Variants in STXBP5L observed in about 807,000 individuals in gnomAD.
The protein encoded by STXBP5L is syntaxin-binding protein 5-like.
Under a neutral mutation model 144.5 loss-of-function variants are expected in STXBP5L, and 65 were observed. The observed-to-expected ratio is 0.45, with a 90% CI of 0.37 to 0.55. The LOEUF is 0.55. Ranked by LOEUF, STXBP5L falls within the 20% of genes least tolerant of loss-of-function variation. The probability of loss-of-function intolerance (pLI) is 0.00; values close to 1 mark genes in which losing one functional copy is unlikely to be tolerated. For synonymous variants in STXBP5L, 505 were observed against 469.6 expected, an observed-to-expected ratio of 1.08 and a Z score of -0.97; for missense variants, 1,298 against 1,405.5, an observed-to-expected ratio of 0.92 and a Z score of 1.22.
At chr3:121,322,586 T>C (rs1455861918) in intron 20 of STXBP5L, among the ~76,000 whole-genome samples, 4 of 152,084 alleles carry the variant, frequency 2.6e-5, no homozygotes, top group Non-Finnish European at 4.4e-5. Context: ...GGCACCTGGT[T>C]AATTCCACGT....
At chr3:120,909,493 G>C in intron 1 of STXBP5L, 78 bp from the exon 2 acceptor site, 3 of 1,280,688 alleles carry the variant, frequency 2.3e-6, no homozygotes. Context: ...CTAATGAAAA[G>C]AGAAAGGCTT....
intron 5 of STXBP5L, among the ~76,000 whole-genome samples, chr3:121,086,084 G>A (rs1307922338): frequency 6.6e-6 from 1 of 152,160 alleles, no homozygotes; most frequent in South Asian, 2.1e-4. Context: ...TTTAATAAAT[G>A]TTGCTGGGAA....
Position 121,413,292 on chromosome 3 carries a change from C to A in STXBP5L, c.3083C>A (p.Thr1028Lys). The change falls in exon 24 of 27, where the codon ACA becomes AAA. Residue 1028 changes from threonine to lysine, a missense_variant. Physicochemically the swap from Thr to Lys is moderately conservative, Grantham distance 78. Coordinates refer to ENST00000471454, the MANE Select transcript of STXBP5L (RefSeq NM_001308330.2). The stretch of plus-strand genomic sequence containing the variant: ...TCTCCTACTGAAATTCAGCGGTTAA[C>A]ATACAGCCAAGAAATGTGTGATAAT... ...LVSPTEIQRL[T>K]YSQEMCDNLQ... 6.3e-7 allele frequency: 1 copy of A among 1,591,822 alleles called. No homozygotes were observed. Among genetic ancestry groups the A allele is most frequent in the Non-Finnish European group, 8.5e-7 (1 of 1,171,778 alleles).
At chr3:121,081,534 G>A (rs752807735) in intron 5 of STXBP5L, among the ~76,000 whole-genome samples, 2 of 152,122 alleles carry the variant, frequency 1.3e-5, no homozygotes, top group Non-Finnish European at 2.9e-5. Context: ...TATATACTTG[G>A]TATATGGGCA....
chr3:120,990,958 A>T (rs1354001081), intron 3 of STXBP5L, among the ~76,000 whole-genome samples: 1 of 152,242 alleles, frequency 6.6e-6, no homozygotes, highest in Non-Finnish European at 1.5e-5. Flanking sequence ...AGCAATGGCA[A>T]CAAAAGCCAA....
At chr3:120,931,993 A>G (rs1387659391) in intron 2 of STXBP5L, among the ~76,000 whole-genome samples, 2 of 152,200 alleles carry the variant, frequency 1.3e-5, no homozygotes, top group East Asian at 1.9e-4. Context: ...CCTATATGGC[A>G]TAGCCTACCA....
chr3:121,334,457 T>A (rs2044433726), intron 20 of STXBP5L, among the ~76,000 whole-genome samples: 2 of 151,600 alleles, frequency 1.3e-5, no homozygotes, highest in South Asian at 4.2e-4. Context: ...AAAGAAAACT[T>A]TGGGACAATA....
At chr3:121,122,917 A>G (rs2044536103) in intron 7 of STXBP5L, among the ~76,000 whole-genome samples, 1 of 151,560 alleles carries the variant, frequency 6.6e-6, no homozygotes, top group African/African-American at 2.4e-5. Flanking sequence ...CATGTAAAAT[A>G]TATAAAGAAC....
At chr3:121,365,391 CT>C (rs1295295066) in intron 20 of STXBP5L, among the ~76,000 whole-genome samples, 1 of 140,226 alleles carries the variant, frequency 7.1e-6, no homozygotes, top group Non-Finnish European at 1.5e-5. Flanking sequence ...AGGTTCAGGG[CT>C]TTTTTTCTTT....
At chr3:121,193,722 G>A (rs2047801561) in intron 9 of STXBP5L, among the ~76,000 whole-genome samples, 1 of 151,992 alleles carries the variant, frequency 6.6e-6, no homozygotes, top group South Asian at 2.1e-4. Flanking sequence ...CTATCACAAG[G>A]ACAGAAAACC....
intron 11 of STXBP5L, among the ~76,000 whole-genome samples, chr3:121,224,868 A>C (rs186705106): frequency 4.6e-5 from 7 of 152,270 alleles, no homozygotes; most frequent in Admixed American, 3.3e-4. Flanking sequence ...AATGCCTCCT[A>C]TGAAAAGCCT....
At chr3:121,249,403 AGCATACAGATCTG>A (rs1304709844) in intron 14 of STXBP5L, among the ~76,000 whole-genome samples, 1 of 152,130 alleles carries the variant, frequency 6.6e-6, no homozygotes, top group Non-Finnish European at 1.5e-5. Context: ...TACAATTTTC[AGCATACAGATCTG>A]GCACAAATTG....
At chr3:121,174,398 C>A (rs1914743) in intron 9 of STXBP5L, among the ~76,000 whole-genome samples, 77,505 of 151,840 alleles carry the variant, frequency 0.51, 20,235 homozygotes, top group Admixed American at 0.6. Flanking sequence ...GTTTGTCTGC[C>A]TGTTTTTTCA....
At chr3:121,108,770 G>A (rs4381881) in intron 5 of STXBP5L, among the ~76,000 whole-genome samples, 32,471 of 152,024 alleles carry the variant, frequency 0.21, 3,696 homozygotes, top group Non-Finnish European at 0.26. Flanking sequence ...TTTGTTTGAA[G>A]TAGTTTCAGA....
intron 13 of STXBP5L, among the ~76,000 whole-genome samples, chr3:121,239,650 T>C (rs567927916): frequency 7.6e-4 from 104 of 136,964 alleles, no homozygotes; most frequent in African/African-American, 2.7e-3. Flanking sequence ...TAGGTGGGAA[T>C]TGAACAATGA....
chr3:121,226,011 TC>T (rs564105392), intron 11 of STXBP5L, among the ~76,000 whole-genome samples: 6 of 152,258 alleles, frequency 3.9e-5, no homozygotes, highest in African/African-American at 1.4e-4. Flanking sequence ...CATACTGATA[TC>T]CTTGAGAGAC....
chr3:121,059,740 G>A (rs189190407), intron 5 of STXBP5L, among the ~76,000 whole-genome samples: 6 of 152,228 alleles, frequency 3.9e-5, no homozygotes, highest in Admixed American at 6.5e-5. Flanking sequence ...AGTAGCAATG[G>A]TGAATGGGAA....
At chr3:120,959,897 T>A (rs1938552723) in intron 3 of STXBP5L, among the ~76,000 whole-genome samples, 3 of 151,950 alleles carry the variant, frequency 2.0e-5, no homozygotes, top group Admixed American at 2.0e-4. Flanking sequence ...AAGCCAAAAT[T>A]GACAAATGGG....
intron 5 of STXBP5L, among the ~76,000 whole-genome samples, chr3:121,095,196 C>T (rs534219881): frequency 5.9e-5 from 9 of 152,098 alleles, no homozygotes; most frequent in Admixed American, 1.3e-4. Flanking sequence ...GTAACCCGAC[C>T]TCTCTCTCTG....
Sources: allele counts gnomAD v4.1 joint callset (sites outside exome capture counted in the v4.1 genomes callset), GRCh38; gene constraint gnomAD v4.1.1; transcripts MANE v1.5; gene names NCBI Gene and HGNC (gene_info 2026-07-23, HGNC 2026-07-21).